AASDH: variants seen among roughly 807,000 people sequenced by gnomAD.
AASDH encodes the protein beta-alanine-activating enzyme.
In AASDH, 81 loss-of-function variants were observed where a neutral mutation model predicts 102.3. The observed-to-expected ratio is 0.79, with a 90% CI of 0.66 to 0.95. The LOEUF is 0.95. AASDH is among the 40% of genes least tolerant of loss of function. The pLI is 0.00. For missense variants in AASDH, 1,203 were observed against 1,266.2 expected, an observed-to-expected ratio of 0.95 and a Z score of 0.76; for synonymous variants, 398 against 454.0, an observed-to-expected ratio of 0.88 and a Z score of 1.57.
chr4:56,350,312 G>C (rs1457273229), intron 10 of AASDH, among the ~76,000 whole-genome samples: 1 of 152,052 alleles, frequency 6.6e-6, no homozygotes, highest in Non-Finnish European at 1.5e-5. Context: ...AAAATTAGCT[G>C]GGTGCGGTGG....
In AASDH at chr4:56,378,272, C is replaced by G. The variant is rs1403630964; in HGVS notation, c.544G>C (p.Glu182Gln). 1.0e-5 allele frequency: 16 copies of G among 1,604,384 alleles called. No individual in the cohort carries two copies. The highest frequency in any genetic ancestry group is 1.7e-5 in the Admixed American group (1 of 59,534). ...TGCTTTAGCCTCAGATCCATGTGTT[C>G]TTCTGCTTTTTCTTCATTGACATGC... is the stretch of plus-strand genomic sequence containing the variant. ...SEHVNEEKAE[E>Q]HMDLRLKHCL... Residue 182 changes from glutamate (E) to glutamine (Q), a missense_variant, in exon 4 of 15, where the codon GAA becomes CAA. Glu to Gln is a conservative substitution (Grantham distance 29, BLOSUM62 2). Coordinates refer to ENST00000205214, the MANE Select transcript of AASDH (RefSeq NM_181806.4).
chr4:56,345,069 G>C, intron 12 of AASDH, 58 bp downstream of exon 12: 5 of 1,572,956 alleles, frequency 3.2e-6, no homozygotes, highest in Non-Finnish European at 4.3e-6. Flanking sequence ...AGCCTCTGGA[G>C]TAACTACCAT....
At chr4:56,347,496 G>A (rs1266299794) in intron 11 of AASDH, among the ~76,000 whole-genome samples, 2 of 152,166 alleles carry the variant, frequency 1.3e-5, no homozygotes, top group African/African-American at 2.4e-5. Context: ...GTTGTAGTCA[G>A]GGGGAGATAT....
intron 5 of AASDH, among the ~76,000 whole-genome samples, chr4:56,358,963 T>C (rs2109916225): frequency 6.6e-6 from 1 of 152,342 alleles, no homozygotes; most frequent in South Asian, 2.1e-4. Context: ...CCATTTTTGT[T>C]TCATGTATTT....
At chr4:56,364,006 C>T (rs1173889851) in intron 5 of AASDH, among the ~76,000 whole-genome samples, 3 of 152,044 alleles carry the variant, frequency 2.0e-5, no homozygotes, top group South Asian at 2.1e-4. Context: ...ACTAGAATAA[C>T]CAATGCAGAG....
At chr4:56,350,214 G>T (rs1748842334) in intron 10 of AASDH, among the ~76,000 whole-genome samples, 156 bp from the exon 11 acceptor site, 1 of 152,324 alleles carries the variant, frequency 6.6e-6, no homozygotes, top group Admixed American at 6.5e-5. Flanking sequence ...CAGTACTCTG[G>T]GAGGCCAAGG....
At chr4:56,339,526 A>C (rs1338401943) in intron 14 of AASDH, among the ~76,000 whole-genome samples, 2 of 151,838 alleles carry the variant, frequency 1.3e-5, no homozygotes, top group East Asian at 3.9e-4. Flanking sequence ...CAAGGCAGGC[A>C]GATCACCTGC....
chr4:56,363,378 G>A (rs1750564876), intron 5 of AASDH, among the ~76,000 whole-genome samples: 1 of 152,184 alleles, frequency 6.6e-6, no homozygotes, highest in Non-Finnish European at 1.5e-5. Context: ...GAGAGTAGTG[G>A]TTCTCCCAGC....
intron 5 of AASDH, among the ~76,000 whole-genome samples, chr4:56,363,045 G>A (rs934920983): frequency 6.6e-6 from 1 of 152,232 alleles, no homozygotes; most frequent in Non-Finnish European, 1.5e-5. Context: ...CTTTTCCAAT[G>A]GGCTTAACAA....
Position 56,349,472 on chromosome 4 carries a change from C to T in AASDH, c.2279G>A (p.Arg760Lys), listed in dbSNP as rs1342352061. 1.2e-6 allele frequency: 2 copies of T among 1,614,178 alleles called. No homozygotes were observed. The highest frequency in any genetic ancestry group is 1.7e-6 in the Non-Finnish European group (2 of 1,180,042). Residue 760 changes from arginine (R) to lysine (K), a missense_variant, in exon 11 of 15, where the codon AGG becomes AAG. By Grantham distance (26) the Arg-to-Lys change is conservative. Transcript: ENST00000205214. ...TQKMELHVRW[R>K]SDTGKCVDAS... ...ATCTACACATTTGCCTGTGTCTGAC[C>T]TCCACCTCACATGTAACTCCATTTT...
At chr4:56,341,927 C>A (rs1747737381) in intron 14 of AASDH, among the ~76,000 whole-genome samples, 1 of 151,358 alleles carries the variant, frequency 6.6e-6, no homozygotes, top group African/African-American at 2.4e-5. Context: ...GCCTGGGCAA[C>A]ATGGTGAAAC....
chr4:56,353,774 T>C (rs1214816627), intron 8 of AASDH, among the ~76,000 whole-genome samples, 178 bp from the exon 9 acceptor site: 1 of 152,200 alleles, frequency 6.6e-6, no homozygotes, highest in African/African-American at 2.4e-5. Context: ...TTCATAATAT[T>C]TTTCAAAATA....
At position 56,384,497 on chromosome 4, in the gene AASDH, A is replaced by G. The variant is rs967745753; in HGVS notation, c.-42-156T>C. Among the ~76,000 whole-genome samples the G allele has an allele frequency of 1.1e-4, 17 of 152,340 alleles. 1 individual carries two copies. The highest frequency in any genetic ancestry group is 4.1e-4 in the African/African-American group (17 of 41,576). ...GAACTTATGAAATTATGGTAACTTT[A>G]CTGAGGACAATGAGGTTGAAAATTA... On this transcript the variant is annotated intron_variant, in intron 1 of 14. Coordinates refer to ENST00000205214, the MANE Select transcript of AASDH (RefSeq NM_181806.4).
Position 56,351,377 on chromosome 4 carries a change from C to A in AASDH, c.1657G>T (p.Glu553Ter), listed in dbSNP as rs759579318. ...LKSENKLSGK[E>*]DLWEKLQYLW... Reference sequence around the variant, plus strand: ...TACTGTAATTTTTCCCAAAGGTCCTCTTTCCCACTGAGCTTATTCTCAGAC... The same window carrying A: ...TACTGTAATTTTTCCCAAAGGTCCTATTTCCCACTGAGCTTATTCTCAGAC... The change falls in exon 10 of 15, where the codon GAG becomes TAG. Residue 553 changes from glutamate (E) to a stop codon, truncating the protein, a stop_gained. Coordinates refer to ENST00000205214, the MANE Select transcript of AASDH (RefSeq NM_181806.4). LOFTEE classifies it high-confidence loss of function. 3.7e-6 allele frequency: 6 copies of A among 1,600,838 alleles called. No individual in the cohort carries two copies. Among genetic ancestry groups the A allele is most frequent in the Non-Finnish European group, 5.1e-6 (6 of 1,170,532 alleles).
At chr4:56,345,057 T>G in intron 12 of AASDH, 70 bp downstream of exon 12, 1 of 1,482,644 alleles carries the variant, frequency 6.7e-7, no homozygotes. Flanking sequence ...TCCTCCCACC[T>G]CAGCCTCTGG....
chr4:56,357,901 G>T (rs1456894860), intron 5 of AASDH, among the ~76,000 whole-genome samples: 1 of 151,592 alleles, frequency 6.6e-6, no homozygotes, highest in Non-Finnish European at 1.5e-5. Context: ...ACTGGATTTT[G>T]CTGGGAAGTG....
chr4:56,382,621 G>C (rs1753113201), intron 2 of AASDH, 24 bp from the exon 3 acceptor site: 1 of 1,591,450 alleles, frequency 6.3e-7, no homozygotes, highest in East Asian at 2.3e-5. Flanking sequence ...TACACAGTCA[G>C]CATAGAATGT....
Position 56,370,231 on chromosome 4 carries a change from C to T in AASDH, c.861+1220G>A, listed in dbSNP as rs1247699515. Among the ~76,000 whole-genome samples the T allele has an allele frequency of 2.0e-5, 3 of 150,036 alleles. No homozygotes were observed. The South Asian group carries it at 6.4e-4, about 32-fold the overall frequency. On this transcript the variant is annotated intron_variant, in intron 5 of 14. Coordinates refer to ENST00000205214, the MANE Select transcript of AASDH (RefSeq NM_181806.4). ...TACAAAAATTAGCCTGGTGTGGTGG[C>T]GGGTGCCTGTAATCCCAGCTACTCA...
intron 5 of AASDH, among the ~76,000 whole-genome samples, chr4:56,362,190 C>A (rs1278990260): frequency 6.6e-6 from 1 of 152,150 alleles, no homozygotes; most frequent in African/African-American, 2.4e-5. Flanking sequence ...TTTCCCCCCA[C>A]AGTAACTCAA....
Sources: gnomAD v4.1 joint callset for allele counts (sites outside exome capture counted in the v4.1 genomes callset) on GRCh38, gnomAD v4.1.1 for gene constraint, MANE v1.5 for transcripts, NCBI Gene and HGNC (gene_info 2026-07-23, HGNC 2026-07-21) for gene names.